SMPD3: variants seen among roughly 807,000 people sequenced by gnomAD.
The protein encoded by SMPD3 is nSMase-2.
SMPD3 carries 21 observed loss-of-function variants against 55.7 expected under a neutral mutation model. That is an observed-to-expected ratio of 0.38 (90% CI 0.27 to 0.54). The LOEUF (loss-of-function observed/expected upper bound fraction) is 0.54, where lower values mean the gene tolerates loss of function less well. Among genes scored for constraint, SMPD3 ranks in the 20% least tolerant of loss-of-function variants. The pLI, the probability that SMPD3 is intolerant of heterozygous loss-of-function variation, is 0.80. For missense variants in SMPD3, 842 were observed against 899.6 expected (o/e 0.94, Z 0.82); for synonymous variants, 457 against 404.3 (o/e 1.13, Z -1.56).
rs960361660 is a variant in SMPD3, at chr16:68,377,121, C to T, written c.-206-4734G>A. Reference sequence around the variant, plus strand: ...TCCCAGGATCCTGACTGTCCCAGAGCGCCTTCAGGAGCCTCAGAGACATCA... The same window carrying T: ...TCCCAGGATCCTGACTGTCCCAGAGTGCCTTCAGGAGCCTCAGAGACATCA... On this transcript the variant is annotated intron_variant, in intron 2 of 8. Coordinates refer to ENST00000219334, the MANE Select transcript of SMPD3 (RefSeq NM_018667.4). Among the ~76,000 whole-genome samples the T allele has an allele frequency of 7.9e-5, 12 of 152,344 alleles. No individual in the cohort carries two copies. The South Asian group carries it at 1.0e-3, about 13-fold the overall frequency.
In SMPD3 at chr16:68,361,271, C is replaced by T. The variant is rs763430018; in HGVS notation, c.1903G>A (p.Gly635Ser). Reference sequence around the variant, plus strand: ...GCTACTGGCAGGTGGTCCGTCAGGCCGGACAGCTGGGTGATAAAACTGAAT... The same window carrying T: ...GCTACTGGCAGGTGGTCCGTCAGGCTGGACAGCTGGGTGATAAAACTGAAT... ...EEFSFITQLS[G>S]LTDHLPVAMR... The change falls in exon 9 of 9, where the codon GGC becomes AGC. Residue 635 changes from glycine to serine, a missense_variant. Coordinates refer to ENST00000219334, the MANE Select transcript of SMPD3 (RefSeq NM_018667.4). The T allele has an allele frequency of 3.4e-5, 55 of 1,612,216 alleles. No homozygotes were observed. The highest frequency in any genetic ancestry group is 1.6e-4 in the Middle Eastern group (1 of 6,082).
At chr16:68,361,394 G>A (rs1224184333) in intron 8 of SMPD3, 87 bp from the exon 9 acceptor site, 41 of 1,449,228 alleles carry the variant, frequency 2.8e-5, no homozygotes, top group African/African-American at 5.6e-5. Context: ...CCAAAGTGAG[G>A]CCCCGGGGCT....
At chr16:68,425,747 G>A (rs1003609416) in intron 1 of SMPD3, among the ~76,000 whole-genome samples, 6 of 152,232 alleles carry the variant, frequency 3.9e-5, no homozygotes, top group Admixed American at 3.9e-4. Context: ...CAAGATATCC[G>A]GCCTCGGGCC....
At chr16:68,385,925 A>T (rs950281963) in intron 2 of SMPD3, among the ~76,000 whole-genome samples, 3 of 146,912 alleles carry the variant, frequency 2.0e-5, no homozygotes, top group Non-Finnish European at 4.5e-5. Context: ...TTTTAACATT[A>T]AAAAATGTGA....
chr16:68,408,476 G>T (rs1378081480), intron 1 of SMPD3, among the ~76,000 whole-genome samples: 1 of 152,206 alleles, frequency 6.6e-6, no homozygotes, highest in Non-Finnish European at 1.5e-5. Context: ...ATTTAGAAAA[G>T]AAAAGATTGA....
chr16:68,391,983 CCAGGTT>C (rs1280271178), intron 1 of SMPD3, among the ~76,000 whole-genome samples: 1 of 152,168 alleles, frequency 6.6e-6, no homozygotes, highest in Admixed American at 6.5e-5. Context: ...CCTCCACCTC[CCAGGTT>C]CAAGTGGTTC....
At chr16:68,385,180 C>T (rs1442498349) in intron 2 of SMPD3, among the ~76,000 whole-genome samples, 2 of 152,270 alleles carry the variant, frequency 1.3e-5, no homozygotes, top group East Asian at 1.9e-4. Flanking sequence ...GATGAGGAGA[C>T]GGAGACTCAG....
intron 1 of SMPD3, among the ~76,000 whole-genome samples, chr16:68,414,040 A>G (rs1051359365): frequency 6.6e-6 from 1 of 152,194 alleles, no homozygotes; most frequent in African/African-American, 2.4e-5. Context: ...CTGCCAGACT[A>G]TGGTAGAGAC....
intron 1 of SMPD3, among the ~76,000 whole-genome samples, chr16:68,448,129 C>A (rs2090624710): frequency 6.6e-6 from 1 of 152,202 alleles, no homozygotes. Context: ...TGACCCCCAG[C>A]CCTCGCCCCT....
At chr16:68,374,016 G>T (rs565518818) in intron 2 of SMPD3, among the ~76,000 whole-genome samples, 88 of 152,304 alleles carry the variant, frequency 5.8e-4, no homozygotes, top group African/African-American at 1.7e-3. Flanking sequence ...TCTCATCCCC[G>T]CCACGTGTGG....
chr16:68,421,754 G>A (rs1221034915), intron 1 of SMPD3, among the ~76,000 whole-genome samples: 1 of 152,194 alleles, frequency 6.6e-6, no homozygotes, highest in Non-Finnish European at 1.5e-5. Flanking sequence ...CTAGGGGTGG[G>A]CATTGTTTTT....
chr16:68,369,299 G>A (rs1236708917), intron 3 of SMPD3: 1 of 152,194 alleles, frequency 6.6e-6, no homozygotes, highest in Admixed American at 6.5e-5. Context: ...CCAGGAGGTA[G>A]AGGAAGATGA....
chr16:68,423,274 GTTAC>G (rs1442354387), intron 1 of SMPD3, among the ~76,000 whole-genome samples: 1 of 152,162 alleles, frequency 6.6e-6, no homozygotes, highest in Non-Finnish European at 1.5e-5. Context: ...TCCTCAGAGA[GTTAC>G]TTACTAGCTG....
At chr16:68,387,482 C>A (rs928303548) in intron 1 of SMPD3, among the ~76,000 whole-genome samples, 1 of 152,158 alleles carries the variant, frequency 6.6e-6, no homozygotes, top group African/African-American at 2.4e-5. Flanking sequence ...CCACTAGTCC[C>A]GCCCCTGGCC....
intron 3 of SMPD3, among the ~76,000 whole-genome samples, chr16:68,366,400 G>A (rs2089478975): frequency 1.3e-5 from 2 of 152,288 alleles, no homozygotes; most frequent in South Asian, 4.2e-4. Context: ...AGCACCTGGG[G>A]GTACGAACGT....
chr16:68,377,660 T>C (rs935171072), intron 2 of SMPD3, among the ~76,000 whole-genome samples: 16 of 152,340 alleles, frequency 1.1e-4, no homozygotes, highest in Non-Finnish European at 4.4e-5. Flanking sequence ...AGGCTGGTCC[T>C]GTCTGGACAA....
At chr16:68,392,662 G>A (rs1392783586) in intron 1 of SMPD3, among the ~76,000 whole-genome samples, 2 of 151,964 alleles carry the variant, frequency 1.3e-5, no homozygotes, top group South Asian at 2.1e-4. Context: ...AAGAGTTAGA[G>A]ACCAGCCTGG....
chr16:68,376,700 C>T (rs2089824377), intron 2 of SMPD3, among the ~76,000 whole-genome samples: 1 of 152,154 alleles, frequency 6.6e-6, no homozygotes, highest in Non-Finnish European at 1.5e-5. Context: ...CCTGGCAGGC[C>T]CCATGGTCAC....
At chr16:68,388,018 T>C (rs2090075917) in intron 1 of SMPD3, among the ~76,000 whole-genome samples, 1 of 152,154 alleles carries the variant, frequency 6.6e-6, no homozygotes, top group African/African-American at 2.4e-5. Context: ...GGCAAGTCAT[T>C]TAACTTCTGA....
Sources: gnomAD v4.1 joint callset for allele counts (sites outside exome capture counted in the v4.1 genomes callset) on GRCh38, gnomAD v4.1.1 for gene constraint, MANE v1.5 for transcripts, NCBI Gene and HGNC (gene_info 2026-07-23, HGNC 2026-07-21) for gene names.